MTUS2: variants seen among roughly 807,000 people sequenced by gnomAD.
The protein encoded by MTUS2 is microtubule associated scaffold protein 2, also known as microtubule-associated tumor suppressor candidate 2.
MTUS2 carries 40 observed loss-of-function variants against 114.1 expected under a neutral mutation model. The ratio of observed to expected loss-of-function variants is 0.35; its 90% CI spans 0.27 to 0.46. The LOEUF is 0.46. Among genes scored for constraint, MTUS2 ranks in the 20% least tolerant of loss-of-function variants. The pLI is 1.00. For synonymous variants in MTUS2, 688 were observed against 672.0 expected (o/e 1.02, Z -0.37); for missense variants, 1,679 against 1,705.4 (o/e 0.98, Z 0.27).
chr13:29,353,879 C>T (rs941051441), intron 7 of MTUS2, among the ~76,000 whole-genome samples: 1 of 152,148 alleles, frequency 6.6e-6, no homozygotes, highest in African/African-American at 2.4e-5. Context: ...AGTTCTGTCC[C>T]CATCCTGAGA....
At chr13:28,883,036 A>G (rs1381783047) in intron 2 of MTUS2, among the ~76,000 whole-genome samples, 1 of 152,252 alleles carries the variant, frequency 6.6e-6, no homozygotes, top group Non-Finnish European at 1.5e-5. Flanking sequence ...CAGATGGCAA[A>G]TAAGACACGA....
intron 2 of MTUS2, among the ~76,000 whole-genome samples, chr13:28,930,793 C>G (rs1881574406): frequency 6.6e-6 from 1 of 151,974 alleles, no homozygotes; most frequent in Non-Finnish European, 1.5e-5. Flanking sequence ...AGTGTTAGTC[C>G]CCAGCACACC....
chr13:29,281,641 A>C, intron 5 of MTUS2, 63 bp from the exon 6 acceptor site: 3 of 1,515,066 alleles, frequency 2.0e-6, no homozygotes, highest in Non-Finnish European at 2.7e-6. Context: ...GGCAAGTGCA[A>C]ATGGTGAGGG....
At chr13:29,216,467 G>T (rs1895687327) in intron 5 of MTUS2, among the ~76,000 whole-genome samples, 1 of 152,310 alleles carries the variant, frequency 6.6e-6, no homozygotes, top group East Asian at 1.9e-4. Flanking sequence ...CCCAATAGCT[G>T]CTCTATTTTG....
chr13:29,003,499 C>T (rs1885471869), intron 2 of MTUS2, among the ~76,000 whole-genome samples: 1 of 152,216 alleles, frequency 6.6e-6, no homozygotes, highest in South Asian at 2.1e-4. Flanking sequence ...TCCTCTGGAA[C>T]ACTTCGTGTC....
At chr13:29,500,660 A>G (rs999376284) in intron 14 of MTUS2, among the ~76,000 whole-genome samples, 5 of 152,182 alleles carry the variant, frequency 3.3e-5, no homozygotes, top group African/African-American at 4.8e-5. Flanking sequence ...ATGCTGCTGC[A>G]GTGTGGTTGA....
intron 2 of MTUS2, among the ~76,000 whole-genome samples, chr13:28,873,896 A>G (rs903898341): frequency 5.9e-5 from 9 of 152,258 alleles, no homozygotes; most frequent in African/African-American, 2.2e-4. Flanking sequence ...CCAAGTGACA[A>G]TAAGTATTTT....
chr13:29,092,873 A>G (rs1593467775), intron 4 of MTUS2, among the ~76,000 whole-genome samples: 1 of 152,216 alleles, frequency 6.6e-6, no homozygotes, highest in African/African-American at 2.4e-5. Context: ...GGCCTCTCAT[A>G]CATTTGAAAT....
intron 5 of MTUS2, among the ~76,000 whole-genome samples, chr13:29,205,131 T>G (rs551701647): frequency 6.6e-6 from 1 of 152,338 alleles, no homozygotes; most frequent in South Asian, 2.1e-4. Flanking sequence ...CTTTGATCAG[T>G]GTGAAAATGA....
intron 8 of MTUS2, among the ~76,000 whole-genome samples, chr13:29,423,059 C>T (rs1037416695): frequency 3.5e-4 from 53 of 152,170 alleles, no homozygotes; most frequent in African/African-American, 1.3e-3. Context: ...AGGGGACCTC[C>T]CTACATGGCC....
intron 2 of MTUS2, among the ~76,000 whole-genome samples, chr13:28,841,227 G>A (rs1875459917): frequency 6.6e-6 from 1 of 152,230 alleles, no homozygotes; most frequent in South Asian, 2.1e-4. Flanking sequence ...ATAGATATTG[G>A]TTGACAAATG....
chr13:29,172,031 T>G (rs1593555555), intron 5 of MTUS2, among the ~76,000 whole-genome samples: 1 of 152,004 alleles, frequency 6.6e-6, no homozygotes, highest in African/African-American at 2.4e-5. Flanking sequence ...AGTAATTGGG[T>G]TATATTAAGG....
intron 5 of MTUS2, among the ~76,000 whole-genome samples, chr13:29,110,558 G>A (rs1481942031): frequency 6.6e-6 from 1 of 151,760 alleles, no homozygotes; most frequent in Non-Finnish European, 1.5e-5. Flanking sequence ...AAAAAAAATG[G>A]AATCATTTTT....
At chr13:29,069,815 G>C (rs1291410244) in intron 4 of MTUS2, among the ~76,000 whole-genome samples, 5 of 152,298 alleles carry the variant, frequency 3.3e-5, no homozygotes, top group African/African-American at 9.6e-5. Context: ...AAAATGGATA[G>C]TAAAGATGAG....
intron 4 of MTUS2, among the ~76,000 whole-genome samples, chr13:29,054,723 G>T (rs1027633658): frequency 6.6e-6 from 1 of 151,916 alleles, no homozygotes; most frequent in Non-Finnish European, 1.5e-5. Flanking sequence ...TATGCTACTG[G>T]CAATATTTAA....
At chr13:29,131,090 C>T (rs1236144047) in intron 5 of MTUS2, among the ~76,000 whole-genome samples, 1 of 152,212 alleles carries the variant, frequency 6.6e-6, no homozygotes, top group Non-Finnish European at 1.5e-5. Context: ...ACAGAAGATT[C>T]AATGGGTCAA....
At chr13:29,205,598 T>C (rs1046768030) in intron 5 of MTUS2, among the ~76,000 whole-genome samples, 1 of 152,218 alleles carries the variant, frequency 6.6e-6, no homozygotes, top group African/African-American at 2.4e-5. Context: ...GTGCATTGTA[T>C]CATTCTTATG....
intron 5 of MTUS2, among the ~76,000 whole-genome samples, chr13:29,243,310 G>A (rs538692579): frequency 3.9e-5 from 6 of 152,264 alleles, no homozygotes; most frequent in Middle Eastern, 6.8e-3. Context: ...AAGAAACATC[G>A]GGGATATGGG....
rs1872895923 is a variant in MTUS2, at chr13:29,389,321, ATATGTGTGTATATATGTATG to A, written c.3117+29849_3117+29868del. Among the ~76,000 whole-genome samples, 4 of 54,756 alleles carry A rather than the reference ATATGTGTGTATATATGTATG, an allele frequency of 7.3e-5. 1 individual carries two copies. The highest frequency in any genetic ancestry group is 1.8e-4 in the African/African-American group (4 of 22,744). The allele number at this position is 54,756 out of a possible 152,430, so 35.9% of individuals were successfully genotyped here. On this transcript the variant is annotated intron_variant, in intron 8 of 15. Transcript: ENST00000612955. ...TGTATATGTGTATATATGTATACAC[ATATGTGTGTATATATGTATG>A]CACGTGTGTGTATATATGTATGCAC...
Sources: gnomAD v4.1 joint callset for allele counts (sites outside exome capture counted in the v4.1 genomes callset) on GRCh38, gnomAD v4.1.1 for gene constraint, MANE v1.5 for transcripts, NCBI Gene and HGNC (gene_info 2026-07-23, HGNC 2026-07-21) for gene names.